The following CCT3 variants were observed in gnomAD, a reference collection of about 807,000 sequenced individuals.
The protein encoded by CCT3 is chaperonin containing TCP1 subunit 3.
CCT3 carries 10 observed loss-of-function variants against 65.3 expected under a neutral mutation model. That is an observed-to-expected ratio of 0.15 (90% CI 0.09 to 0.26). The LOEUF is 0.26. CCT3 is among the 10% of genes least tolerant of loss of function. The probability of loss-of-function intolerance (pLI) is 1.00; values close to 1 mark genes in which losing one functional copy is unlikely to be tolerated. For synonymous variants in CCT3, 225 were observed against 242.3 expected, an observed-to-expected ratio of 0.93 and a Z score of 0.66; for missense variants, 626 against 708.7, an observed-to-expected ratio of 0.88 and a Z score of 1.33.
Position 156,320,388 on chromosome 1 carries a change from C to T in CCT3, c.609+451G>A, listed in dbSNP as rs1049422880. On this transcript the variant is annotated intron_variant, in intron 7 of 13. Coordinates refer to ENST00000295688, the MANE Select transcript of CCT3 (RefSeq NM_005998.5). ...GCACCACTGCACTCTAGCCTCTGCG[C>T]GACAGAGCAAGACTCCATCTCAAAA... Among the ~76,000 whole-genome samples, 7 of 152,182 alleles carry T rather than the reference C, an allele frequency of 4.6e-5. No individual in the cohort carries two copies. The South Asian group carries it at 6.2e-4, about 14-fold the overall frequency.
chr1:156,324,222 C>T (rs2101653006), intron 6 of CCT3, among the ~76,000 whole-genome samples: 1 of 151,982 alleles, frequency 6.6e-6, no homozygotes, highest in South Asian at 2.1e-4. Flanking sequence ...CGCCTGCCAC[C>T]ATGCCCAGCT....
chr1:156,333,320 A>G (rs1665193779), intron 5 of CCT3: 1 of 459,544 alleles, frequency 2.2e-6, no homozygotes, highest in South Asian at 2.2e-5. Context: ...GAATATTATA[A>G]CTTACAGTGA....
chr1:156,328,384 T>G (rs1282631256), intron 5 of CCT3, among the ~76,000 whole-genome samples: 7 of 152,074 alleles, frequency 4.6e-5, no homozygotes, highest in Non-Finnish European at 7.4e-5. Flanking sequence ...GAACGGGCCA[T>G]GATGACAATG....
At chr1:156,319,868 C>G (rs1056347449) in intron 7 of CCT3, among the ~76,000 whole-genome samples, 1 of 152,072 alleles carries the variant, frequency 6.6e-6, no homozygotes, top group Non-Finnish European at 1.5e-5. Flanking sequence ...CTTTCTGGGG[C>G]TTACTATTTT....
chr1:156,330,022 G>A (rs1665041132), intron 5 of CCT3, among the ~76,000 whole-genome samples: 1 of 151,598 alleles, frequency 6.6e-6, no homozygotes, highest in Non-Finnish European at 1.5e-5. Context: ...TGTAACAGAA[G>A]ATTTCTTTAG....
intron 7 of CCT3, among the ~76,000 whole-genome samples, chr1:156,320,024 A>G (rs1369397814): frequency 6.6e-6 from 1 of 152,152 alleles, no homozygotes; most frequent in Non-Finnish European, 1.5e-5. Flanking sequence ...GGTAACAACA[A>G]AACTATTTGA....
intron 8 of CCT3, among the ~76,000 whole-genome samples, 178 bp downstream of exon 8, chr1:156,318,690 C>A (rs1664412710): frequency 6.6e-6 from 1 of 152,166 alleles, no homozygotes; most frequent in Non-Finnish European, 1.5e-5. Flanking sequence ...CTTGTTTGAG[C>A]TTCAGATCCC....
At chr1:156,318,756 G>C in intron 8 of CCT3, 112 bp downstream of exon 8, 2 of 969,088 alleles carry the variant, frequency 2.1e-6, no homozygotes, top group Non-Finnish European at 3.1e-6. Context: ...CTAAGAGTCA[G>C]TGTACACTAT....
At chr1:156,323,711 C>A (rs1324336415) in intron 6 of CCT3, among the ~76,000 whole-genome samples, 1 of 151,976 alleles carries the variant, frequency 6.6e-6, no homozygotes, top group African/African-American at 2.4e-5. Context: ...GTGATCCGCC[C>A]GCCTCCGCCT....
chr1:156,329,400 G>A (rs1022397950), intron 5 of CCT3, among the ~76,000 whole-genome samples: 3 of 148,738 alleles, frequency 2.0e-5, no homozygotes, highest in African/African-American at 5.0e-5. Flanking sequence ...CCACCTCTCA[G>A]GTTCAAGTGA....
At position 156,333,701 on chromosome 1, in the gene CCT3, G is replaced by C. The variant is rs999854138; in HGVS notation, c.208-58C>G. The C allele has an allele frequency of 9.9e-6, 13 of 1,316,570 alleles. No individual in the cohort carries two copies. In the African/African-American group the frequency reaches 1.6e-4, roughly 16 times the overall value. The allele number at this position is 1,316,570 out of a possible 1,614,324, so 81.6% of individuals were successfully genotyped here. On this transcript the variant is annotated intron_variant, in intron 4 of 13. Transcript: ENST00000295688. Reference sequence around the variant, plus strand: ...ATTCAAAGACCTCTGAACTCATGAAGCTTGGCCCTAACTCTTGGGCTTCTT... The same window carrying C: ...ATTCAAAGACCTCTGAACTCATGAACCTTGGCCCTAACTCTTGGGCTTCTT...
intron 6 of CCT3, 48 bp downstream of exon 6, chr1:156,324,924 G>A (rs370911950): frequency 4.5e-5 from 58 of 1,277,712 alleles, no homozygotes; most frequent in Non-Finnish European, 6.2e-5. Context: ...ACCACGTCTA[G>A]CCAGGCCTCT....
At chr1:156,309,402 ATT>A in intron 13 of CCT3, 99 bp from the exon 14 acceptor site, 1 of 792,760 alleles carries the variant, frequency 1.3e-6, no homozygotes, top group Non-Finnish European at 2.2e-6. Flanking sequence ...TGGAACTGCC[ATT>A]TTGTCTGAAA....
chr1:156,317,775 C>A (rs1299646122), intron 8 of CCT3, among the ~76,000 whole-genome samples: 1 of 151,012 alleles, frequency 6.6e-6, no homozygotes, highest in African/African-American at 2.4e-5. Flanking sequence ...ATGGCGCGAT[C>A]TTGGCTCACT....
intron 7 of CCT3, 107 bp downstream of exon 7, chr1:156,320,732 C>T: frequency 1.1e-6 from 1 of 895,576 alleles, no homozygotes; most frequent in Non-Finnish European, 1.8e-6. Flanking sequence ...GACTCTGTCT[C>T]AAAAACAAAA....
chr1:156,312,356 T>G (rs1318656786), intron 10 of CCT3, 135 bp from the exon 11 acceptor site: 1 of 722,482 alleles, frequency 1.4e-6, no homozygotes, highest in African/African-American at 1.8e-5. Flanking sequence ...GTCTTGCCTG[T>G]CCGGTGAAAA....
At chr1:156,315,617 A>G (rs2101636237) in intron 10 of CCT3, among the ~76,000 whole-genome samples, 1 of 152,320 alleles carries the variant, frequency 6.6e-6, no homozygotes, top group Middle Eastern at 3.4e-3. Flanking sequence ...GTTATTGGTA[A>G]GGGTTCGGGT....
At chr1:156,317,645 TCA>T in intron 8 of CCT3, 98 bp from the exon 9 acceptor site, 1 of 1,146,042 alleles carries the variant, frequency 8.7e-7, no homozygotes, top group Non-Finnish European at 1.2e-6. Flanking sequence ...CCCACGTATC[TCA>T]GAGTCAGAAT....
At chr1:156,318,771 C>A in intron 8 of CCT3, 97 bp downstream of exon 8, 1 of 1,195,720 alleles carries the variant, frequency 8.4e-7, no homozygotes, top group East Asian at 2.4e-5. Flanking sequence ...CACTATGCAC[C>A]CAGAAGGCAT....
Sources: allele counts gnomAD v4.1 joint callset (sites outside exome capture counted in the v4.1 genomes callset), GRCh38; gene constraint gnomAD v4.1.1; transcripts MANE v1.5; gene names NCBI Gene and HGNC (gene_info 2026-07-23, HGNC 2026-07-21).